The following NOL4 variants were observed in gnomAD, a reference collection of about 807,000 sequenced individuals.
NOL4 encodes the protein cancer/testis antigen 125.
Under a neutral mutation model 75.9 loss-of-function variants are expected in NOL4, and 17 were observed. The ratio of observed to expected loss-of-function variants is 0.22; its 90% CI spans 0.15 to 0.34. NOL4 has a LOEUF of 0.34. NOL4 is among the 10% of genes least tolerant of loss of function. The probability of loss-of-function intolerance (pLI) is 1.00; values close to 1 mark genes in which losing one functional copy is unlikely to be tolerated. For synonymous variants in NOL4, 292 were observed against 289.9 expected, an observed-to-expected ratio of 1.01 and a Z score of -0.07; for missense variants, 614 against 793.5, an observed-to-expected ratio of 0.77 and a Z score of 2.72.
At chr18:34,150,752 A>G (rs1419506399) in intron 1 of NOL4, among the ~76,000 whole-genome samples, 1 of 151,784 alleles carries the variant, frequency 6.6e-6, no homozygotes, top group East Asian at 1.9e-4. Context: ...GCTAGACTTC[A>G]TTATAATTCA....
At chr18:34,020,644 A>C (rs932805903) in intron 5 of NOL4, among the ~76,000 whole-genome samples, 1 of 152,186 alleles carries the variant, frequency 6.6e-6, no homozygotes, top group Non-Finnish European at 1.5e-5. Context: ...AAATTGTTAG[A>C]TTATTATGTA....
At chr18:34,083,652 T>A (rs2078110182) in intron 5 of NOL4, among the ~76,000 whole-genome samples, 1 of 152,192 alleles carries the variant, frequency 6.6e-6, no homozygotes, top group Non-Finnish European at 1.5e-5. Flanking sequence ...AATACTTAAA[T>A]AATGTTGCAG....
intron 1 of NOL4, among the ~76,000 whole-genome samples, chr18:34,144,123 A>C (rs191552721): frequency 1.3e-5 from 2 of 152,164 alleles, no homozygotes; most frequent in African/African-American, 2.4e-5. Flanking sequence ...AGTATAGACA[A>C]TACTACACTA....
intron 5 of NOL4, among the ~76,000 whole-genome samples, chr18:34,086,828 T>A (rs886848040): frequency 6.6e-6 from 1 of 152,082 alleles, no homozygotes; most frequent in African/African-American, 2.4e-5. Context: ...ACTGTAAAAT[T>A]TCTTAGAGTA....
intron 6 of NOL4, among the ~76,000 whole-genome samples, chr18:33,980,425 G>A (rs1318324241): frequency 6.6e-6 from 1 of 151,988 alleles, no homozygotes; most frequent in African/African-American, 2.4e-5. Flanking sequence ...GCAAAAGGAG[G>A]GGAAAAGTAA....
At chr18:34,030,511 T>G (rs2075584313) in intron 5 of NOL4, among the ~76,000 whole-genome samples, 1 of 152,198 alleles carries the variant, frequency 6.6e-6, no homozygotes, top group Non-Finnish European at 1.5e-5. Context: ...ATATACTCTT[T>G]GGTAATCAAA....
At chr18:34,172,076 G>C (rs1172156171) in intron 1 of NOL4, among the ~76,000 whole-genome samples, 1 of 152,086 alleles carries the variant, frequency 6.6e-6, no homozygotes, top group African/African-American at 2.4e-5. Flanking sequence ...GCACAGAACA[G>C]AAGAAAGCTA....
chr18:34,200,842 A>C (rs1473513671), intron 1 of NOL4, among the ~76,000 whole-genome samples: 2 of 151,838 alleles, frequency 1.3e-5, no homozygotes, highest in East Asian at 3.9e-4. Context: ...TGTGGCAAGA[A>C]GAGTTCCATA....
chr18:33,861,228 C>G (rs530404009), intron 10 of NOL4, among the ~76,000 whole-genome samples: 1 of 152,228 alleles, frequency 6.6e-6, no homozygotes, highest in Admixed American at 6.5e-5. Context: ...CCTCCTTGTA[C>G]CTCTGGTAGA....
chr18:33,971,255 A>G (rs1369866060), intron 6 of NOL4, among the ~76,000 whole-genome samples: 2 of 152,186 alleles, frequency 1.3e-5, no homozygotes, highest in Admixed American at 6.5e-5. Context: ...TAATGCAGTT[A>G]CGTTTGTTGG....
chr18:33,982,743 T>TG (rs2072072982), intron 6 of NOL4, among the ~76,000 whole-genome samples: 1 of 84,606 alleles, frequency 1.2e-5, no homozygotes, highest in Non-Finnish European at 2.3e-5. Flanking sequence ...GACAATGGGA[T>TG]TTTTTTTTTT....
chr18:34,046,507 T>C (rs186221235), intron 5 of NOL4, among the ~76,000 whole-genome samples: 286 of 150,856 alleles, frequency 1.9e-3, no homozygotes, highest in African/African-American at 6.6e-3. Context: ...AAATATAAAA[T>C]TTTATTTTAA....
chr18:33,956,125 T>C (rs2069627527), intron 8 of NOL4, among the ~76,000 whole-genome samples: 1 of 152,098 alleles, frequency 6.6e-6, no homozygotes, highest in Non-Finnish European at 1.5e-5. Context: ...GACTTTTCTA[T>C]TACTATGAAT....
intron 4 of NOL4, among the ~76,000 whole-genome samples, chr18:34,096,585 A>T (rs184441004): frequency 2.0e-4 from 31 of 152,234 alleles, no homozygotes; most frequent in African/African-American, 7.0e-4. Context: ...ATTCATGATT[A>T]TCTCTAGACC....
intron 10 of NOL4, among the ~76,000 whole-genome samples, chr18:33,878,019 T>C (rs1360108929): frequency 6.6e-6 from 1 of 152,016 alleles, no homozygotes; most frequent in Non-Finnish European, 1.5e-5. Context: ...ACCTTGAAGC[T>C]GGAAGAGCTG....
chr18:34,218,511 T>A (rs928647737), intron 1 of NOL4, among the ~76,000 whole-genome samples: 8 of 152,206 alleles, frequency 5.3e-5, no homozygotes, highest in African/African-American at 1.9e-4. Context: ...CAAGCCAGAA[T>A]GGCCTTTACT....
chr18:34,076,816 T>G (rs2145336519), intron 5 of NOL4, among the ~76,000 whole-genome samples: 1 of 152,314 alleles, frequency 6.6e-6, no homozygotes, highest in Non-Finnish European at 1.5e-5. Context: ...ACACAAATTT[T>G]CTACAAAATC....
At chr18:33,940,607 T>C (rs1201099533) in intron 9 of NOL4, among the ~76,000 whole-genome samples, 1 of 151,856 alleles carries the variant, frequency 6.6e-6, no homozygotes, top group African/African-American at 2.4e-5. Flanking sequence ...AGATGATGGG[T>C]TGATGGGTGA....
intron 10 of NOL4, among the ~76,000 whole-genome samples, chr18:33,874,270 C>T (rs1446261960): frequency 1.3e-5 from 2 of 151,682 alleles, no homozygotes; most frequent in African/African-American, 2.4e-5. Context: ...TCTAGAAAGG[C>T]AGCAAAAGAA....
Sources: allele counts gnomAD v4.1 joint callset (sites outside exome capture counted in the v4.1 genomes callset), GRCh38; gene constraint gnomAD v4.1.1; transcripts MANE v1.5; gene names NCBI Gene and HGNC (gene_info 2026-07-23, HGNC 2026-07-21).